KCTD17: variants seen among roughly 807,000 people sequenced by gnomAD.
The protein encoded by KCTD17 is BTB/POZ domain-containing protein KCTD17.
A neutral mutation model predicts 41.5 loss-of-function variants in KCTD17; 20 were observed. The observed-to-expected ratio is 0.48, with a 90% confidence interval of 0.34 to 0.70. KCTD17 has a LOEUF of 0.70. Ranked by LOEUF, KCTD17 falls within the 30% of genes least tolerant of loss-of-function variation. KCTD17 has a pLI of 0.01. For synonymous variants in KCTD17, 156 were observed against 173.8 expected (o/e 0.90, Z 0.80); for missense variants, 317 against 427.2 (o/e 0.74, Z 2.27).
chr22:37,062,299 G>A (rs777548911), intron 8 of KCTD17: 83 of 984,610 alleles, frequency 8.4e-5, no homozygotes, highest in Admixed American at 1.2e-4. Context: ...TGGGTTAGTT[G>A]GGGAGCCCTT....
chr22:37,059,441 G>C lies in KCTD17; in HGVS notation c.612+3G>C. 1.2e-6 allele frequency: 2 copies of C among 1,605,492 alleles called. No homozygotes were observed. The highest frequency in any genetic ancestry group is 1.7e-6 in the Non-Finnish European group (2 of 1,177,106). On this transcript the variant is annotated splice_donor_region_variant and intron_variant, in intron 5 of 8. Coordinates refer to ENST00000403888, the MANE Select transcript of KCTD17 (RefSeq NM_001282684.2). Reference sequence around the variant, plus strand: ...CAGAGTCCAGCCGCAAAACCAAGGTGAGCCCACCCGCCTCAGCCTGTGTCC... The same window carrying C: ...CAGAGTCCAGCCGCAAAACCAAGGTCAGCCCACCCGCCTCAGCCTGTGTCC...
intron 3 of KCTD17, among the ~76,000 whole-genome samples, chr22:37,056,642 G>C (rs1283805242): frequency 6.6e-6 from 1 of 152,226 alleles, no homozygotes; most frequent in Admixed American, 6.5e-5. Flanking sequence ...CCCATTTGCT[G>C]TGTGTTGGGC....
At chr22:37,057,552 C>A in intron 4 of KCTD17, 59 bp downstream of exon 4, 2 of 1,348,124 alleles carry the variant, frequency 1.5e-6, no homozygotes, top group South Asian at 1.2e-5. Context: ...AGCCTCTGAC[C>A]AAGCAGGCCC....
At position 37,061,904 on chromosome 22, in the gene KCTD17, G is replaced by A. The variant is rs1925844709; in HGVS notation, c.875+275G>A. On this transcript the variant is annotated intron_variant, in intron 8 of 8. Coordinates refer to ENST00000403888, the MANE Select transcript of KCTD17 (RefSeq NM_001282684.2). The surrounding 1 kb of genome is among the most constrained non-coding windows in gnomAD (Gnocchi z 6.6). ...AGTCCCTGCACATCCAGGAGCTCCT[G>A]TGTCACTGCCTTGTGGCATCCCCTA... The A allele has an allele frequency of 2.0e-6, 2 of 985,448 alleles. No individual in the cohort carries two copies. Among genetic ancestry groups the A allele is most frequent in the Non-Finnish European group, 2.4e-6 (2 of 829,930 alleles). 61.0% of individuals were successfully genotyped at this position (985,448 alleles called of 1,614,324 possible).
chr22:37,059,528 C>T, intron 5 of KCTD17, 90 bp downstream of exon 5: 2 of 1,435,074 alleles, frequency 1.4e-6, no homozygotes, highest in African/African-American at 1.4e-5. Flanking sequence ...CTGCACCATC[C>T]CTCCACCTCT....
At chr22:37,058,209 G>A (rs2142825) in intron 4 of KCTD17, among the ~76,000 whole-genome samples, 2,553 of 152,296 alleles carry the variant, frequency 0.017, 66 homozygotes, top group African/African-American at 0.058. Context: ...CCACCCACAC[G>A]TTCCCTGGCA....
intron 8 of KCTD17, 90 bp from the exon 9 acceptor site, chr22:37,062,424 CGTCAATCTCCT>C: frequency 2.2e-6 from 3 of 1,357,204 alleles, no homozygotes; most frequent in South Asian, 1.6e-5. Flanking sequence ...CTCCCCCACC[CGTCAATCTCCT>C]CTCCGCCCCC....
In KCTD17 at chr22:37,053,264, T is replaced by G; in HGVS notation, c.298+56T>G. On this transcript the variant is annotated intron_variant, in intron 2 of 8. Coordinates refer to ENST00000403888, the MANE Select transcript of KCTD17 (RefSeq NM_001282684.2). This position sits in a 1 kb window ranked among gnomAD's most constrained non-coding sequence, Gnocchi z 4.1. The stretch of plus-strand genomic sequence containing the variant: ...TTATGCAGCCTGCCAGGGCCCTCTG[T>G]GGAGGCCCCAAGCCATTTGGACAAC... 2 of 1,346,040 alleles carry G rather than the reference T, an allele frequency of 1.5e-6. No individual in the cohort carries two copies. Among genetic ancestry groups the G allele is most frequent in the Non-Finnish European group, 2.1e-6 (2 of 961,300 alleles). The allele number at this position is 1,346,040 out of a possible 1,614,324, so 83.4% of individuals were successfully genotyped here. A position where few individuals can be genotyped will look rare whatever the true frequency, so the allele number is the denominator to read the frequency against.
In KCTD17 at chr22:37,053,324, C is replaced by A; in HGVS notation, c.298+116C>A. 1.3e-6 allele frequency: 1 copy of A among 782,366 alleles called. No homozygotes were observed. 48.5% of individuals were successfully genotyped at this position (782,366 alleles called of 1,614,324 possible). On this transcript the variant is annotated intron_variant, in intron 2 of 8. Coordinates refer to ENST00000403888, the MANE Select transcript of KCTD17 (RefSeq NM_001282684.2). This position sits in a 1 kb window ranked among gnomAD's most constrained non-coding sequence, Gnocchi z 4.1. ...CATCTGCCTGCTTGGTTGTTTCCTG[C>A]CTCTTCCCAGTCGGACGGGGCTGAT...
Position 37,061,314 on chromosome 22 carries a change from G to C in KCTD17, c.784+139G>C, listed in dbSNP as rs534467326. 4.6e-6 allele frequency: 7 copies of C among 1,508,564 alleles called. No homozygotes were observed. 93.4% of individuals were successfully genotyped at this position (1,508,564 alleles called of 1,614,324 possible). On this transcript the variant is annotated intron_variant, in intron 7 of 8. Transcript: ENST00000403888. This position sits in a 1 kb window ranked among gnomAD's most constrained non-coding sequence, Gnocchi z 6.6. The stretch of plus-strand genomic sequence containing the variant: ...GGGTCTGCCCTGGTCCCAGCCTCCC[G>C]TGCCCTCCACCCAGGCCCCCTGGCC...
chr22:37,055,685 C>T (rs982698411), intron 2 of KCTD17, among the ~76,000 whole-genome samples: 1 of 152,116 alleles, frequency 6.6e-6, no homozygotes, highest in African/African-American at 2.4e-5. Context: ...GTGATGAGCT[C>T]GTGCAGGGTG....
Position 37,062,725 on chromosome 22 carries a change from C to A in KCTD17, c.*131C>A. 6.7e-7 allele frequency: 1 copy of A among 1,490,522 alleles called. No homozygotes were observed. Among genetic ancestry groups the A allele is most frequent in the South Asian group, 1.3e-5 (1 of 75,266 alleles). The allele number at this position is 1,490,522 out of a possible 1,614,324, so 92.3% of individuals were successfully genotyped here. A position where few individuals can be genotyped will look rare whatever the true frequency, so the allele number is the denominator to read the frequency against. On this transcript the variant is annotated 3_prime_UTR_variant, in exon 9 of 9. Coordinates refer to ENST00000403888, the MANE Select transcript of KCTD17 (RefSeq NM_001282684.2). ...GCCTCCAGGGGCGGGGCGGGGCCCC[C>A]CTGGGACCTCTTAAGGCCCAAGGTG...
rs942428901 is a variant in KCTD17, at chr22:37,053,537, C to T, written c.298+329C>T. On this transcript the variant is annotated intron_variant, in intron 2 of 8. Transcript: ENST00000403888. This position sits in a 1 kb window ranked among gnomAD's most constrained non-coding sequence, Gnocchi z 4.1. ...GGCCTCCTAGGAAGCCAGGTGTGGA[C>T]GGTCACATCCGGAGGCTGGGGTGAC... Among the ~76,000 whole-genome samples, 8 of 152,228 alleles carry T rather than the reference C, an allele frequency of 5.3e-5. No individual in the cohort carries two copies. The highest frequency in any genetic ancestry group is 1.7e-4 in the African/African-American group (7 of 41,458).
intron 1 of KCTD17, 174 bp from the exon 2 acceptor site, chr22:37,052,926 C>T: frequency 1.7e-6 from 1 of 597,614 alleles, no homozygotes. Flanking sequence ...CAGGAAGAGT[C>T]AGAAGCAGGG....
At chr22:37,057,096 G>T (rs189290757) in intron 3 of KCTD17, among the ~76,000 whole-genome samples, 6 of 152,262 alleles carry the variant, frequency 3.9e-5, no homozygotes, top group African/African-American at 1.4e-4. Flanking sequence ...CCGTGTTCCG[G>T]TTCTGTCTCC....
intron 5 of KCTD17, among the ~76,000 whole-genome samples, 158 bp from the exon 6 acceptor site, chr22:37,060,665 G>A (rs957559588): frequency 7.9e-5 from 12 of 152,274 alleles, no homozygotes; most frequent in South Asian, 2.1e-4. Context: ...CCAGGGGACC[G>A]GAGAAGATGC....
rs1185450928 is a variant in KCTD17 at position 37,061,994 on chromosome 22, A to C, written c.875+365A>C. On this transcript the variant is annotated intron_variant, in intron 8 of 8. Coordinates refer to ENST00000403888, the MANE Select transcript of KCTD17 (RefSeq NM_001282684.2). This position sits in a 1 kb window ranked among gnomAD's most constrained non-coding sequence, Gnocchi z 6.6. ...CCTTGGCCCATGAAGTGTCAGCCAG[A>C]GTGGCTTAAGGATTGCAGAGTGGCA... 2 of 985,416 alleles carry C rather than the reference A, an allele frequency of 2.0e-6. No individual in the cohort carries two copies. Among genetic ancestry groups the C allele is most frequent in the East Asian group, 2.3e-4 (2 of 8,806 alleles). The allele number at this position is 985,416 out of a possible 1,614,324, so 61.0% of individuals were successfully genotyped here. A position where few individuals can be genotyped will look rare whatever the true frequency, so the allele number is the denominator to read the frequency against.
chr22:37,056,925 A>AACC (rs1925192475), intron 3 of KCTD17, among the ~76,000 whole-genome samples: 1 of 151,574 alleles, frequency 6.6e-6, no homozygotes, highest in Non-Finnish European at 1.5e-5. Flanking sequence ...TTTTCCGCCT[A>AACC]CTCTGGGGGA....
At chr22:37,062,083 C>T (rs1014554502) in intron 8 of KCTD17, 19 of 981,138 alleles carry the variant, frequency 1.9e-5, no homozygotes, top group South Asian at 4.7e-5. Context: ...GCTCTGTGAC[C>T]TTGGGCAAGT....
Sources: allele counts gnomAD v4.1 joint callset (sites outside exome capture counted in the v4.1 genomes callset), GRCh38; gene constraint gnomAD v4.1.1; non-coding constraint Gnocchi (gnomAD v3.1); transcripts MANE v1.5; gene names NCBI Gene and HGNC (gene_info 2026-07-23, HGNC 2026-07-21).